CRACD: variants seen among roughly 807,000 people sequenced by gnomAD.
CRACD encodes capping protein-inhibiting regulator of actin dynamics.
In CRACD, 56 loss-of-function variants were observed where a neutral mutation model predicts 106.8. The ratio of observed to expected loss-of-function variants is 0.52; its 90% confidence interval spans 0.42 to 0.66. The LOEUF (loss-of-function observed/expected upper bound fraction) is 0.66, where lower values mean the gene tolerates loss of function less well. Ranked by LOEUF, CRACD falls within the 30% of genes least tolerant of loss-of-function variation. The probability of loss-of-function intolerance (pLI) is 0.00; values close to 1 mark genes in which losing one functional copy is unlikely to be tolerated. For missense variants in CRACD, 1,730 were observed against 1,623.2 expected, an observed-to-expected ratio of 1.07 and a Z score of -1.13; for synonymous variants, 754 against 670.8, an observed-to-expected ratio of 1.12 and a Z score of -1.92.
In CRACD at chr4:56,316,246, C is replaced by T. The variant is rs1036293367; in HGVS notation, c.2744C>T (p.Ser915Phe). 1 of 1,613,978 alleles carries T rather than the reference C, an allele frequency of 6.2e-7. No homozygotes were observed. Among genetic ancestry groups the T allele is most frequent in the Admixed American group, 1.7e-5 (1 of 60,026 alleles). Reference protein sequence around the residue: ...SLPQERKQAPSTRRDSAEPSS... With the variant: ...SLPQERKQAPFTRRDSAEPSS... ...CCCCAAGAGCGGAAGCAAGCCCCTT[C>T]CACCCGGAGGGACTCCGCTGAACCT... The change falls in exon 8 of 11, where the codon TCC (serine) becomes TTC (phenylalanine). Residue 915 changes from serine (S) to phenylalanine (F), a missense_variant. This residue lies in a region of CRACD where 1,620 missense variants were observed against 1,481.6 expected (regional missense o/e 1.09). Transcript: ENST00000682029.
intron 2 of CRACD, among the ~76,000 whole-genome samples, chr4:56,232,885 C>T (rs1375964541): frequency 6.6e-6 from 1 of 151,736 alleles, no homozygotes. Flanking sequence ...CCACCAGGCC[C>T]AGCTAATTTT....
intron 2 of CRACD, among the ~76,000 whole-genome samples, chr4:56,222,161 T>C (rs1212886948): frequency 6.6e-6 from 1 of 152,142 alleles, no homozygotes; most frequent in Non-Finnish European, 1.5e-5. Flanking sequence ...AACCAATGAA[T>C]GGATAAAGAA....
intron 2 of CRACD, among the ~76,000 whole-genome samples, chr4:56,243,975 TG>T (rs1201375812): frequency 6.6e-6 from 1 of 152,196 alleles, no homozygotes; most frequent in African/African-American, 2.4e-5. Context: ...TCTATGTCCG[TG>T]AGTTCAAAGA....
At chr4:56,062,969 T>C (rs1732332716) in intron 1 of CRACD, among the ~76,000 whole-genome samples, 1 of 152,204 alleles carries the variant, frequency 6.6e-6, no homozygotes, top group Non-Finnish European at 1.5e-5. Flanking sequence ...GTAATGTGAT[T>C]TATCTTTTTA....
chr4:56,162,073 A>C (rs1382828369), intron 1 of CRACD, among the ~76,000 whole-genome samples: 2 of 152,138 alleles, frequency 1.3e-5, no homozygotes, highest in Non-Finnish European at 2.9e-5. Flanking sequence ...CTTTTAGCTA[A>C]TGTTAACCAC....
Position 56,298,272 on chromosome 4 carries a change from G to A in CRACD, c.43G>A (p.Asp15Asn), listed in dbSNP as rs1744165553. ...AFSHDSIFIPDGGAESEQTVQ... is the reference protein window; with the variant it reads ...AFSHDSIFIPNGGAESEQTVQ... ...TTCCCATGACAGTATTTTTATCCCTGATGGGGGAGCAGAAAGTGAGCAGAC... is the reference window on the plus strand; with the variant it reads ...TTCCCATGACAGTATTTTTATCCCTAATGGGGGAGCAGAAAGTGAGCAGAC... The change falls in exon 4 of 11, where the codon GAT becomes AAT. Residue 15 changes from aspartate to asparagine, a missense_variant. Physicochemically the swap from Asp to Asn is conservative, Grantham distance 23 (BLOSUM62 1). This residue lies in a region of CRACD where 1,620 missense variants were observed against 1,481.6 expected (regional missense o/e 1.09). Transcript: ENST00000682029. 1.2e-6 allele frequency: 2 copies of A among 1,614,168 alleles called. No homozygotes were observed. The highest frequency in any genetic ancestry group is 3.3e-5 in the Admixed American group (2 of 60,030).
chr4:56,315,649 A>T lies in CRACD; in HGVS notation c.2147A>T (p.Asn716Ile). 2.5e-6 allele frequency: 4 copies of T among 1,614,198 alleles called. No homozygotes were observed. The highest frequency in any genetic ancestry group is 3.4e-6 in the Non-Finnish European group (4 of 1,180,048). The change falls in exon 8 of 11, where the codon AAT becomes ATT. Residue 716 changes from asparagine (N) to isoleucine (I), a missense_variant. Transcript: ENST00000682029. This position sits in a 1 kb window ranked among gnomAD's most constrained non-coding sequence, Gnocchi z 4.1. ...RGNQRKTPPV[N>I]AKFSIMPAWQ... ...AACCAACGGAAGACTCCGCCAGTCA[A>T]TGCAAAGTTCTCTATTATGCCTGCC...
intron 2 of CRACD, among the ~76,000 whole-genome samples, chr4:56,258,342 T>A (rs1387346691): frequency 1.3e-5 from 2 of 152,192 alleles, no homozygotes; most frequent in Non-Finnish European, 2.9e-5. Context: ...GCACTTTTAA[T>A]GTATTGATTG....
intron 2 of CRACD, among the ~76,000 whole-genome samples, chr4:56,203,834 C>T (rs959079647): frequency 1.3e-5 from 2 of 152,172 alleles, no homozygotes; most frequent in African/African-American, 4.8e-5. Context: ...CAAGAACAGG[C>T]ACATAGCTAG....
chr4:56,304,624 T>C (rs1744573912), intron 4 of CRACD, among the ~76,000 whole-genome samples: 1 of 151,876 alleles, frequency 6.6e-6, no homozygotes, highest in South Asian at 2.1e-4. Flanking sequence ...TCTACAAAAA[T>C]TTTAAAAATT....
intron 2 of CRACD, among the ~76,000 whole-genome samples, chr4:56,199,845 A>G (rs1481298259): frequency 6.6e-6 from 1 of 152,020 alleles, no homozygotes; most frequent in Non-Finnish European, 1.5e-5. Flanking sequence ...GCTTCCAAGG[A>G]CAGATTTCAC....
Position 56,328,636 on chromosome 4 carries a change from G to C in CRACD, c.*832G>C. On this transcript the variant is annotated 3_prime_UTR_variant, in exon 11 of 11. Coordinates refer to ENST00000682029, the MANE Select transcript of CRACD (RefSeq NM_001393381.1). Reference sequence around the variant, plus strand: ...TTATGATGTGTAGGCTCCCTCCTAGGGCCTACTCAATCAGAGCCTGTGGGG... The same window carrying C: ...TTATGATGTGTAGGCTCCCTCCTAGCGCCTACTCAATCAGAGCCTGTGGGG... The C allele has an allele frequency of 3.6e-6, 1 of 279,238 alleles. No individual in the cohort carries two copies. Among genetic ancestry groups the C allele is most frequent in the South Asian group, 3.8e-5 (1 of 26,060 alleles). The allele number at this position is 279,238 out of a possible 1,614,324, so 17.3% of individuals were successfully genotyped here. A position where few individuals can be genotyped will look rare whatever the true frequency, so the allele number is the denominator to read the frequency against.
rs1746623651 is a variant in CRACD, at chr4:56,328,665, G to A, written c.*861G>A. 1.3e-5 allele frequency: 3 copies of A among 226,334 alleles called. No individual in the cohort carries two copies. In the East Asian group the frequency reaches 3.3e-4, roughly 25 times the overall value. 14.0% of individuals were successfully genotyped at this position (226,334 alleles called of 1,614,324 possible). ...TACTCAATCAGAGCCTGTGGGGACT[G>A]GGCCAGGAATATGTATTCTGGCAAA... On this transcript the variant is annotated 3_prime_UTR_variant, in exon 11 of 11. Transcript: ENST00000682029.
At chr4:56,264,901 C>CCA (rs1189066503) in intron 2 of CRACD, among the ~76,000 whole-genome samples, 3 of 152,264 alleles carry the variant, frequency 2.0e-5, no homozygotes, top group African/African-American at 7.2e-5. Context: ...CCCTGACTTC[C>CCA]CGCAACAAAT....
intron 1 of CRACD, among the ~76,000 whole-genome samples, chr4:56,147,687 C>G (rs1735436360): frequency 6.6e-6 from 1 of 152,138 alleles, no homozygotes; most frequent in Non-Finnish European, 1.5e-5. Flanking sequence ...TGTGGTAGCT[C>G]TATGTTTAAC....
chr4:56,146,670 A>G (rs1224499447), intron 1 of CRACD, among the ~76,000 whole-genome samples: 1 of 150,946 alleles, frequency 6.6e-6, no homozygotes, highest in Non-Finnish European at 1.5e-5. Flanking sequence ...ATTCATTTAC[A>G]TATATTTGAC....
At chr4:56,114,613 G>A (rs982883360) in intron 1 of CRACD, among the ~76,000 whole-genome samples, 2 of 151,572 alleles carry the variant, frequency 1.3e-5, no homozygotes, top group African/African-American at 2.4e-5. Flanking sequence ...AACTTTCCTG[G>A]GGCACTATTT....
chr4:56,155,441 T>C (rs114685553), intron 1 of CRACD, among the ~76,000 whole-genome samples: 1,937 of 152,290 alleles, frequency 0.013, 40 homozygotes, highest in African/African-American at 0.045. Flanking sequence ...TGGGGATACA[T>C]GAGGAACCAG....
chr4:56,218,917 T>A (rs999539120), intron 2 of CRACD, among the ~76,000 whole-genome samples: 3 of 152,212 alleles, frequency 2.0e-5, no homozygotes, highest in African/African-American at 7.2e-5. Flanking sequence ...GCAATACATT[T>A]ACCATCTTTC....
Sources: allele counts gnomAD v4.1 joint callset (sites outside exome capture counted in the v4.1 genomes callset), GRCh38; gene constraint gnomAD v4.1.1; regional missense constraint gnomAD v4.1.1; non-coding constraint Gnocchi (gnomAD v3.1); transcripts MANE v1.5; gene names NCBI Gene and HGNC (gene_info 2026-07-23, HGNC 2026-07-21).